Variants in FMN2 observed in about 807,000 individuals in gnomAD.
FMN2 encodes the protein formin 2, also known as formin-2.
A neutral mutation model predicts 142.3 loss-of-function variants in FMN2; 51 were observed. That is an observed-to-expected ratio of 0.36 (90% CI 0.29 to 0.45). The LOEUF is 0.45. FMN2 is among the 20% of genes least tolerant of loss of function. FMN2 has a pLI of 1.00. For missense variants in FMN2, 1,936 were observed against 2,122.8 expected (o/e 0.91, Z 1.73); for synonymous variants, 882 against 869.8 (o/e 1.01, Z -0.25).
intron 1 of FMN2, among the ~76,000 whole-genome samples, chr1:240,097,650 C>T (rs1661257917): frequency 6.6e-6 from 1 of 152,142 alleles, no homozygotes; most frequent in Non-Finnish European, 1.5e-5. Context: ...CCACCGCGCC[C>T]GGCTATAGCT....
chr1:240,454,067 C>T (rs1299299247), intron 16 of FMN2, among the ~76,000 whole-genome samples: 1 of 151,954 alleles, frequency 6.6e-6, no homozygotes, highest in African/African-American at 2.4e-5. Context: ...GAAATAACTT[C>T]TCTATGAGGG....
chr1:240,352,749 A>G (rs1672136696), intron 13 of FMN2, among the ~76,000 whole-genome samples: 2 of 152,228 alleles, frequency 1.3e-5, no homozygotes, highest in African/African-American at 2.4e-5. Context: ...ACACAGTTTT[A>G]GGAAACTCTC....
chr1:240,437,147 T>C (rs1675406086), intron 15 of FMN2, among the ~76,000 whole-genome samples: 1 of 152,138 alleles, frequency 6.6e-6, no homozygotes, highest in Non-Finnish European at 1.5e-5. Flanking sequence ...GAGCTCCATA[T>C]AGCTGTAATA....
At chr1:240,280,067 T>C (rs1669347049) in intron 7 of FMN2, among the ~76,000 whole-genome samples, 1 of 152,122 alleles carries the variant, frequency 6.6e-6, no homozygotes, top group African/African-American at 2.4e-5. Flanking sequence ...ATGTGAGCTC[T>C]GATCTTCTCA....
chr1:240,223,313 C>T (rs1352230041), intron 6 of FMN2, among the ~76,000 whole-genome samples: 1 of 152,164 alleles, frequency 6.6e-6, no homozygotes, highest in Non-Finnish European at 1.5e-5. Context: ...TTGAACCAGC[C>T]TTGCATCCCA....
chr1:240,234,737 C>A (rs943747456), intron 6 of FMN2, among the ~76,000 whole-genome samples: 2 of 152,210 alleles, frequency 1.3e-5, no homozygotes, highest in Non-Finnish European at 2.9e-5. Context: ...ATGAGGATAA[C>A]TTCCTGTATT....
intron 6 of FMN2, among the ~76,000 whole-genome samples, chr1:240,238,538 C>G (rs1667783308): frequency 6.6e-6 from 1 of 152,090 alleles, no homozygotes; most frequent in Admixed American, 6.6e-5. Context: ...CTTATTTAAT[C>G]TTGTGATTTT....
intron 7 of FMN2, among the ~76,000 whole-genome samples, chr1:240,264,880 A>G (rs1017488920): frequency 2.0e-5 from 3 of 152,166 alleles, no homozygotes; most frequent in Middle Eastern, 3.4e-3. Context: ...TCCCTCTGAT[A>G]TTATTGGTGA....
chr1:240,413,148 AAG>A (rs1674469739), intron 15 of FMN2, among the ~76,000 whole-genome samples: 1 of 148,480 alleles, frequency 6.7e-6, no homozygotes, highest in African/African-American at 2.5e-5. Flanking sequence ...AAAAAAAAAA[AAG>A]CAGCAAATAA....
At chr1:240,404,043 T>C (rs10926242) in intron 15 of FMN2, among the ~76,000 whole-genome samples, 152,359 of 152,364 alleles carry the variant, frequency 1, 76,177 homozygotes, top group Middle Eastern at 1. Flanking sequence ...GCCAAGATTG[T>C]ATAACAAATG....
intron 15 of FMN2, among the ~76,000 whole-genome samples, chr1:240,434,053 C>T (rs570881059): frequency 2.0e-5 from 3 of 152,274 alleles, no homozygotes; most frequent in East Asian, 1.9e-4. Context: ...TAACAAAAGA[C>T]GTGTGGTGTT....
chr1:240,144,802 G>T, intron 2 of FMN2: 1 of 1,432,840 alleles, frequency 7.0e-7, no homozygotes, highest in South Asian at 1.1e-5. Flanking sequence ...TGTAGGGGAC[G>T]ATTTCCTTCA....
intron 2 of FMN2, among the ~76,000 whole-genome samples, chr1:240,125,956 C>T (rs563513055): frequency 6.6e-6 from 1 of 152,258 alleles, no homozygotes; most frequent in South Asian, 2.1e-4. Flanking sequence ...ATTTTGTCTT[C>T]CTTTATTCAT....
At chr1:240,218,716 T>C (rs1666999513) in intron 6 of FMN2, among the ~76,000 whole-genome samples, 1 of 152,162 alleles carries the variant, frequency 6.6e-6, no homozygotes, top group African/African-American at 2.4e-5. Context: ...GCCCCCTTTT[T>C]TGATCCGATG....
intron 2 of FMN2, chr1:240,170,502 C>T (rs754632728): frequency 1.9e-5 from 28 of 1,503,826 alleles, no homozygotes; most frequent in Non-Finnish European, 2.6e-5. Context: ...ACTAACCTTG[C>T]CAGAATATAA....
At chr1:240,318,126 C>T (rs1670852394) in intron 8 of FMN2, among the ~76,000 whole-genome samples, 2 of 152,138 alleles carry the variant, frequency 1.3e-5, no homozygotes, top group Admixed American at 6.5e-5. Flanking sequence ...CTCTTTCTTC[C>T]TTGTTGCTGC....
At chr1:240,142,649 A>G (rs1284537773) in intron 2 of FMN2, 32 of 1,596,268 alleles carry the variant, frequency 2.0e-5, no homozygotes, top group Non-Finnish European at 2.7e-5. Context: ...GCTGCAGTTC[A>G]GAGCCCCTGG....
At chr1:240,462,661 A>C (rs892246896) in intron 16 of FMN2, among the ~76,000 whole-genome samples, 8 of 152,204 alleles carry the variant, frequency 5.3e-5, no homozygotes, top group African/African-American at 1.9e-4. Context: ...ACATCTAGTG[A>C]ATACTTGCTT....
Position 240,328,168 on chromosome 1 carries a change from A to G in FMN2, c.4216-908A>G, listed in dbSNP as rs148428114. Among the ~76,000 whole-genome samples, 1,246 of 135,856 alleles carry G rather than the reference A, an allele frequency of 9.2e-3. 24 individuals carry two copies. Among genetic ancestry groups the G allele is most frequent in the African/African-American group, 0.033 (1,178 of 35,908 alleles). The allele number at this position is 135,856 out of a possible 152,430, so 89.1% of individuals were successfully genotyped here. A position where few individuals can be genotyped will look rare whatever the true frequency, so the allele number is the denominator to read the frequency against. ...ATCTCAAAAAAAAAAAAAAAAAAAAAAAAAGAAAAAGAAAATCCAGCAAAA... is the reference window on the plus strand; with the variant it reads ...ATCTCAAAAAAAAAAAAAAAAAAAAGAAAAGAAAAAGAAAATCCAGCAAAA... On this transcript the variant is annotated intron_variant, in intron 8 of 17. Coordinates refer to ENST00000319653, the MANE Select transcript of FMN2 (RefSeq NM_020066.5).
Sources: gnomAD v4.1 joint callset for allele counts (sites outside exome capture counted in the v4.1 genomes callset) on GRCh38, gnomAD v4.1.1 for gene constraint, MANE v1.5 for transcripts, NCBI Gene and HGNC (gene_info 2026-07-23, HGNC 2026-07-21) for gene names.